Variants in LYPD6 observed in about 807,000 individuals in gnomAD.
LYPD6 encodes LY6/PLAUR domain containing 6, also known as ly6/PLAUR domain-containing protein 6.
A neutral mutation model predicts 22.7 loss-of-function variants in LYPD6; 15 were observed. The observed-to-expected ratio is 0.66, with a 90% confidence interval of 0.44 to 1.02. LYPD6 has a LOEUF of 1.02. Among genes scored for constraint, LYPD6 ranks in the 50% least tolerant of loss-of-function variants. LYPD6 has a pLI of 0.00. For missense variants in LYPD6, 189 were observed against 208.4 expected (o/e 0.91, Z 0.57); for synonymous variants, 72 against 77.5 (o/e 0.93, Z 0.37).
chr2:149,385,882 G>A (rs1474142673), intron 1 of LYPD6, among the ~76,000 whole-genome samples: 1 of 152,150 alleles, frequency 6.6e-6, no homozygotes, highest in Non-Finnish European at 1.5e-5. Context: ...TTAGAGAGTG[G>A]AGTGGGGTTG....
chr2:149,423,159 G>C (rs528915858), intron 1 of LYPD6, among the ~76,000 whole-genome samples: 1 of 152,008 alleles, frequency 6.6e-6, no homozygotes, highest in Non-Finnish European at 1.5e-5. Flanking sequence ...GTACCTGGAG[G>C]ATCAGCTGGA....
intron 1 of LYPD6, among the ~76,000 whole-genome samples, chr2:149,402,890 C>T (rs904702291): frequency 2.1e-5 from 3 of 142,538 alleles, no homozygotes; most frequent in Admixed American, 1.4e-4. Context: ...CTCCCCCAAC[C>T]GCACAACAGT....
intron 4 of LYPD6, among the ~76,000 whole-genome samples, chr2:149,469,008 G>A (rs918407467): frequency 6.6e-6 from 1 of 152,202 alleles, no homozygotes; most frequent in Non-Finnish European, 1.5e-5. Flanking sequence ...AGGGTGTTCA[G>A]TGTTATTGTA....
chr2:149,400,613 A>G (rs1215228689), intron 1 of LYPD6, among the ~76,000 whole-genome samples: 2 of 83,674 alleles, frequency 2.4e-5, no homozygotes, highest in Non-Finnish European at 4.6e-5. Context: ...TAAATGTCGT[A>G]TATAAACTTC....
Position 149,380,882 on chromosome 2 carries a change from G to A in LYPD6, c.-72+50160G>A, listed in dbSNP as rs116485621. On this transcript the variant is annotated intron_variant, in intron 1 of 4. Transcript: ENST00000334166. ...TCTGGGACACAGGGAAATAGCAAAGGAAGGTGAGAAAAAGCAACCATTAAA... is the reference window on the plus strand; with the variant it reads ...TCTGGGACACAGGGAAATAGCAAAGAAAGGTGAGAAAAAGCAACCATTAAA... Among the ~76,000 whole-genome samples, 962 of 152,236 alleles carry A rather than the reference G, an allele frequency of 6.3e-3. 6 individuals carry two copies. The highest frequency in any genetic ancestry group is 0.022 in the African/African-American group (930 of 41,534).
In LYPD6 at chr2:149,361,185, T is replaced by C. The variant is rs554057561; in HGVS notation, c.-72+30463T>C. ...TCTTCAGCTAGAACAAAGAAAGCTG[T>C]TGGGGGATACAGTTATGGGAGGTAA... On this transcript the variant is annotated intron_variant, in intron 1 of 4. Transcript: ENST00000334166. Among the ~76,000 whole-genome samples the C allele has an allele frequency of 3.5e-4, 54 of 152,224 alleles. 2 individuals are homozygous for C. Among genetic ancestry groups the C allele is most frequent in the Middle Eastern group, 6.8e-3 (2 of 294 alleles).
intron 1 of LYPD6, among the ~76,000 whole-genome samples, chr2:149,336,996 T>TA (rs1290325868): frequency 6.6e-6 from 1 of 151,624 alleles, no homozygotes; most frequent in Non-Finnish European, 1.5e-5. Flanking sequence ...ATGTGCTTTT[T>TA]AAAATAGAAC....
At chr2:149,331,031 C>T (rs1680927041) in intron 1 of LYPD6, among the ~76,000 whole-genome samples, 1 of 152,184 alleles carries the variant, frequency 6.6e-6, no homozygotes, top group African/African-American at 2.4e-5. Context: ...CTGGAGGAAC[C>T]TTTCCCAGGA....
intron 1 of LYPD6, among the ~76,000 whole-genome samples, chr2:149,341,991 A>G (rs1200585455): frequency 6.6e-6 from 1 of 152,186 alleles, no homozygotes; most frequent in Non-Finnish European, 1.5e-5. Flanking sequence ...ACTGTTACCT[A>G]ATTTTGGTCC....
chr2:149,435,582 G>A lies in LYPD6; in HGVS notation c.-71-2056G>A, dbSNP rs149225610. Among the ~76,000 whole-genome samples, 1,058 of 152,284 alleles carry A rather than the reference G, an allele frequency of 6.9e-3. 13 individuals carry two copies. The highest frequency in any genetic ancestry group is 0.024 in the African/African-American group (1,018 of 41,568). On this transcript the variant is annotated intron_variant, in intron 1 of 4. Coordinates refer to ENST00000334166, the MANE Select transcript of LYPD6 (RefSeq NM_194317.5). Reference sequence around the variant, plus strand: ...CCAGATGGATGTGGAAAGAAGCACTGTTGAATTCATTCAAGATGAAGTGAT... The same window carrying A: ...CCAGATGGATGTGGAAAGAAGCACTATTGAATTCATTCAAGATGAAGTGAT...
At chr2:149,353,600 C>A (rs1031972534) in intron 1 of LYPD6, among the ~76,000 whole-genome samples, 2 of 152,054 alleles carry the variant, frequency 1.3e-5, no homozygotes, top group African/African-American at 2.4e-5. Context: ...TACAGATGGT[C>A]GGTGTCATTT....
chr2:149,352,553 C>T (rs908374522), intron 1 of LYPD6, among the ~76,000 whole-genome samples: 4 of 152,136 alleles, frequency 2.6e-5, no homozygotes, highest in Admixed American at 2.6e-4. Context: ...TGCCTACTGG[C>T]TGGGAAAGGG....
At chr2:149,367,978 G>C (rs902040263) in intron 1 of LYPD6, 1 of 152,116 alleles carries the variant, frequency 6.6e-6, no homozygotes, top group African/African-American at 2.4e-5. Context: ...TGAATCGCAG[G>C]TACCGTGAAT....
chr2:149,470,302 C>T (rs72992959), intron 4 of LYPD6, among the ~76,000 whole-genome samples: 2,276 of 151,810 alleles, frequency 0.015, 53 homozygotes, highest in African/African-American at 0.051. Flanking sequence ...ACTTGGCAAA[C>T]GAAGGCTTAC....
intron 1 of LYPD6, among the ~76,000 whole-genome samples, chr2:149,386,310 T>G (rs1682183910): frequency 6.6e-6 from 1 of 152,186 alleles, no homozygotes; most frequent in Non-Finnish European, 1.5e-5. Flanking sequence ...TAAGATGATT[T>G]TTAGATTTCT....
At chr2:149,338,352 T>C (rs1211696541) in intron 1 of LYPD6, among the ~76,000 whole-genome samples, 1 of 152,226 alleles carries the variant, frequency 6.6e-6, no homozygotes, top group Non-Finnish European at 1.5e-5. Context: ...TAAGCTAGAA[T>C]CTTTTAAAGA....
chr2:149,332,119 A>G (rs1230909576), intron 1 of LYPD6, among the ~76,000 whole-genome samples: 1 of 152,268 alleles, frequency 6.6e-6, no homozygotes, highest in African/African-American at 2.4e-5. Flanking sequence ...ATTTAAATGT[A>G]AAACATCTAT....
chr2:149,480,013 C>T, the LYPD6 span, among the ~76,000 whole-genome samples: 2 of 144,672 alleles, frequency 1.4e-5, no homozygotes, highest in East Asian at 2.0e-4. Flanking sequence ...TTCCTTTTTT[C>T]TCTCTCTTTT....
At chr2:149,485,915 G>A in the LYPD6 span, among the ~76,000 whole-genome samples, 4 of 152,124 alleles carry the variant, frequency 2.6e-5, no homozygotes, top group South Asian at 8.3e-4. Context: ...CAGACCTCAG[G>A]GTCACCAACT....
Sources: gnomAD v4.1 joint callset for allele counts (sites outside exome capture counted in the v4.1 genomes callset) on GRCh38, gnomAD v4.1.1 for gene constraint, MANE v1.5 for transcripts, NCBI Gene and HGNC (gene_info 2026-07-23, HGNC 2026-07-21) for gene names.